Variants in LHX1 observed in about 807,000 individuals in gnomAD.
The protein encoded by LHX1 is LIM/homeobox protein Lhx1.
A neutral mutation model predicts 34.1 loss-of-function variants in LHX1; 9 were observed. The observed-to-expected ratio is 0.26, with a 90% CI of 0.16 to 0.46. LHX1 has a LOEUF of 0.46. LHX1 is among the 20% of genes least tolerant of loss of function. LHX1 has a pLI of 1.00. For synonymous variants in LHX1, 254 were observed against 241.5 expected, an observed-to-expected ratio of 1.05 and a Z score of -0.48; for missense variants, 446 against 559.1, an observed-to-expected ratio of 0.80 and a Z score of 2.04.
Position 36,938,356 on chromosome 17 carries a change from C to T in LHX1, c.159C>T (p.Asn53=), listed in dbSNP as rs34167802. Reference sequence around the variant, plus strand: ...GGGAAGGCAAACTCTACTGCAAGAACGACTTCTTCCGGTGAGTACTTTCCT... The same window carrying T: ...GGGAAGGCAAACTCTACTGCAAGAATGACTTCTTCCGGTGAGTACTTTCCT... ...FSREGKLYCK[N]DFFRCFGTKC... The change falls in exon 1 of 5, where the codon AAC becomes AAT. Residue 53 remains asparagine, a synonymous_variant. Coordinates refer to ENST00000614239, the MANE Select transcript of LHX1 (RefSeq NM_005568.5). 1.2e-6 allele frequency: 2 copies of T among 1,614,172 alleles called. No homozygotes were observed. Among genetic ancestry groups the T allele is most frequent in the Admixed American group, 3.3e-5 (2 of 60,024 alleles).
In LHX1 at chr17:36,938,688, G is replaced by C. The variant is rs573986242; in HGVS notation, c.170+321G>C. 1.0e-5 allele frequency: 5 copies of C among 487,938 alleles called. No individual in the cohort carries two copies. The Admixed American group carries it at 1.3e-4, about 13-fold the overall frequency. The allele number at this position is 487,938 out of a possible 1,614,324, so 30.2% of individuals were successfully genotyped here. A position where few individuals can be genotyped will look rare whatever the true frequency, so the allele number is the denominator to read the frequency against. On this transcript the variant is annotated intron_variant, in intron 1 of 4. Transcript: ENST00000614239. ...CTCGGGCGTTGTAGCCCGGACTGCT[G>C]TCTTTCCCGGAGCCAAGCTCTGCAG...
At chr17:36,938,850 C>A (rs2070746658) in intron 1 of LHX1, 1 of 287,096 alleles carries the variant, frequency 3.5e-6, no homozygotes, top group African/African-American at 2.2e-5. Flanking sequence ...TCTGGGCCAA[C>A]TGCCCTGTCA....
At chr17:36,942,665 C>T in intron 4 of LHX1, 87 bp from the exon 5 acceptor site, 1 of 1,359,262 alleles carries the variant, frequency 7.4e-7, no homozygotes, top group Non-Finnish European at 9.8e-7. Flanking sequence ...CTTCCTCAGC[C>T]CGCCGAGGTC....
intron 1 of LHX1, 160 bp downstream of exon 1, chr17:36,938,527 G>A: frequency 1.3e-6 from 1 of 743,440 alleles, no homozygotes; most frequent in Non-Finnish European, 2.4e-6. Flanking sequence ...CAGCTGGCGC[G>A]CTGGGAGCCC....
chr17:36,937,701 T>C lies in LHX1; in HGVS notation c.-497T>C, dbSNP rs1217270545. On this transcript the variant is annotated 5_prime_UTR_variant, in exon 1 of 5. Transcript: ENST00000614239. ...CCTGGCACGCACACAGTCGCCCTCA[T>C]ACCCCGACAAAAGCAGATGCACTTT... is the stretch of plus-strand genomic sequence containing the variant. The C allele has an allele frequency of 7.0e-6, 3 of 429,628 alleles. No homozygotes were observed. The highest frequency in any genetic ancestry group is 9.4e-6 in the Non-Finnish European group (2 of 211,932). The allele number at this position is 429,628 out of a possible 1,614,324, so 26.6% of individuals were successfully genotyped here.
Position 36,938,119 on chromosome 17 carries a change from G to A in LHX1, c.-79G>A. 7.0e-7 allele frequency: 1 copy of A among 1,426,346 alleles called. No individual in the cohort carries two copies. Among genetic ancestry groups the A allele is most frequent in the Non-Finnish European group, 9.9e-7 (1 of 1,013,778 alleles). The allele number at this position is 1,426,346 out of a possible 1,614,324, so 88.4% of individuals were successfully genotyped here. ...TTGGAGAGACTGGGGAGCTCGTGCC[G>A]ATTGTCTTCAGGAGTCATCCCCTGG... On this transcript the variant is annotated 5_prime_UTR_variant, in exon 1 of 5. Transcript: ENST00000614239.
Position 36,942,975 on chromosome 17 carries a change from C to T in LHX1, c.1065C>T (p.Pro355=), listed in dbSNP as rs988960278. ...TGGCGCACCCACCCGGGGACTCGCC[C>T]AGCCCCGAGCCCAGCCTGCCCGGGC... The part of the protein sequence containing the change: ...DILAHPPGDS[P]SPEPSLPGPL... The change falls in exon 5 of 5, where the codon CCC becomes CCT. Residue 355 remains proline, a synonymous_variant. Coordinates refer to ENST00000614239, the MANE Select transcript of LHX1 (RefSeq NM_005568.5). 53 of 1,610,990 alleles carry T rather than the reference C, an allele frequency of 3.3e-5. No homozygotes were observed. The highest frequency in any genetic ancestry group is 4.2e-5 in the Non-Finnish European group (49 of 1,179,246).
chr17:36,940,909 C>G lies in LHX1; in HGVS notation c.675+22C>G, dbSNP rs370241649. The G allele has an allele frequency of 3.9e-4, 602 of 1,562,116 alleles. 2 individuals are homozygous for G. Among genetic ancestry groups the G allele is most frequent in the Admixed American group, 8.8e-4 (47 of 53,258 alleles). On this transcript the variant is annotated intron_variant, in intron 3 of 4. Coordinates refer to ENST00000614239, the MANE Select transcript of LHX1 (RefSeq NM_005568.5). ...TCAGGTCAGGCCCCGGCGCGCCTCT[C>G]CATCCCACAGAGGCCCACACTGCCA...
At chr17:36,942,400 T>A in intron 4 of LHX1, 35 bp downstream of exon 4, 1 of 1,552,554 alleles carries the variant, frequency 6.4e-7, no homozygotes, top group Non-Finnish European at 8.7e-7. Flanking sequence ...CGCGGCCAGG[T>A]CGGGGCGGGC....
At chr17:36,939,074 G>A (rs2070748085) in intron 1 of LHX1, among the ~76,000 whole-genome samples, 1 of 152,184 alleles carries the variant, frequency 6.6e-6, no homozygotes, top group Non-Finnish European at 1.5e-5. Context: ...CCGCTCAGTA[G>A]TCCTCCTAGG....
At chr17:36,937,096 C>T (rs1354725123), upstream of LHX1, 2 of 344,330 alleles carry the variant, frequency 5.8e-6, no homozygotes, top group Non-Finnish European at 5.8e-6. Context: ...GCCACCACAA[C>T]GAAAAAAAGA....
chr17:36,943,162 G>C lies in LHX1; in HGVS notation c.*31G>C. On this transcript the variant is annotated 3_prime_UTR_variant, in exon 5 of 5. Transcript: ENST00000614239. ...TCTCGCACGGTCTGCGGAGTTCGTG[G>C]TTGTACAGAAATGAACCTTTATTTA... is the stretch of plus-strand genomic sequence containing the variant. The C allele has an allele frequency of 6.2e-7, 1 of 1,604,538 alleles. No homozygotes were observed. The highest frequency in any genetic ancestry group is 8.5e-7 in the Non-Finnish European group (1 of 1,174,422).
chr17:36,942,990 C>G lies in LHX1; in HGVS notation c.1080C>G (p.Ser360Arg), dbSNP rs1293290539. 7.4e-6 allele frequency: 12 copies of G among 1,611,254 alleles called. No individual in the cohort carries two copies. Among genetic ancestry groups the G allele is most frequent in the Non-Finnish European group, 1.0e-5 (12 of 1,179,202 alleles). The change falls in exon 5 of 5, where the codon AGC becomes AGG. Residue 360 changes from serine to arginine, a missense_variant. Around this residue, in one of 3 missense-constraint regions of LHX1, gnomAD observed 235 missense variants for 224.4 expected, o/e 1.05. Coordinates refer to ENST00000614239, the MANE Select transcript of LHX1 (RefSeq NM_005568.5). ...GGGACTCGCCCAGCCCCGAGCCCAGCCTGCCCGGGCCTCTGCACTCCATGT... is the reference window on the plus strand; with the variant it reads ...GGGACTCGCCCAGCCCCGAGCCCAGGCTGCCCGGGCCTCTGCACTCCATGT... Reference protein sequence around the residue: ...PPGDSPSPEPSLPGPLHSMSA... With the variant: ...PPGDSPSPEPRLPGPLHSMSA...
rs1262429911 is a variant in LHX1 at position 36,943,874 on chromosome 17, A to C, written c.*743A>C. ...ATGGTCTCCAGCCAGACCGCTCAGT[A>C]AAATGACTTGAACATCAGCTGTACA... is the stretch of plus-strand genomic sequence containing the variant. On this transcript the variant is annotated 3_prime_UTR_variant, in exon 5 of 5. Transcript: ENST00000614239. The C allele has an allele frequency of 6.6e-6, 1 of 151,994 alleles. No homozygotes were observed. The highest frequency in any genetic ancestry group is 1.5e-5 in the Non-Finnish European group (1 of 68,002). 9.4% of individuals were successfully genotyped at this position (151,994 alleles called of 1,614,324 possible).
rs2070741874 is a variant in LHX1, at chr17:36,938,231, C to T, written c.34C>T (p.Leu12=). ...VHCAGCKRPI[L]DRFLLNVLDR... ...CTGTGCCGGCTGCAAAAGGCCCATCCTGGACCGCTTTCTCTTGAACGTGCT... is the reference window on the plus strand; with the variant it reads ...CTGTGCCGGCTGCAAAAGGCCCATCTTGGACCGCTTTCTCTTGAACGTGCT... The change falls in exon 1 of 5, where the codon CTG becomes TTG. Residue 12 remains leucine (L), a synonymous_variant. Coordinates refer to ENST00000614239, the MANE Select transcript of LHX1 (RefSeq NM_005568.5). 1 of 1,614,026 alleles carries T rather than the reference C, an allele frequency of 6.2e-7. No individual in the cohort carries two copies. The highest frequency in any genetic ancestry group is 8.5e-7 in the Non-Finnish European group (1 of 1,180,042).
intron 1 of LHX1, chr17:36,938,623 G>A: frequency 1.7e-6 from 1 of 587,448 alleles, no homozygotes; most frequent in Non-Finnish European, 3.0e-6. Flanking sequence ...AGCCTGACTC[G>A]GCCCAGAAGC....
At chr17:36,942,082 C>T (rs983059709) in intron 3 of LHX1, 118 bp from the exon 4 acceptor site, 2 of 1,039,086 alleles carry the variant, frequency 1.9e-6, no homozygotes, top group Non-Finnish European at 2.8e-6. Context: ...CACACACACA[C>T]AAGCGCGCGC....
chr17:36,940,979 G>C, intron 3 of LHX1, 92 bp downstream of exon 3: 3 of 1,528,896 alleles, frequency 2.0e-6, no homozygotes, highest in Non-Finnish European at 2.6e-6. Context: ...AATCCAGAGA[G>C]AAGTGAGAGA....
chr17:36,943,217 G>T lies in LHX1; in HGVS notation c.*86G>T. 1 of 1,400,184 alleles carries T rather than the reference G, an allele frequency of 7.1e-7. No individual in the cohort carries two copies. 86.7% of individuals were successfully genotyped at this position (1,400,184 alleles called of 1,614,324 possible). ...AAATAGAAAAAAAAAAACATAAAAA[G>T]CAAGTCCCCACCCCCTTCCTCCAGC... On this transcript the variant is annotated 3_prime_UTR_variant, in exon 5 of 5. Coordinates refer to ENST00000614239, the MANE Select transcript of LHX1 (RefSeq NM_005568.5).
Sources: allele counts gnomAD v4.1 joint callset (sites outside exome capture counted in the v4.1 genomes callset), GRCh38; gene constraint gnomAD v4.1.1; regional missense constraint gnomAD v4.1.1; transcripts MANE v1.5; gene names NCBI Gene and HGNC (gene_info 2026-07-23, HGNC 2026-07-21).